Variants in MRO observed in about 807,000 individuals in gnomAD.
The protein encoded by MRO is maestro.
A neutral mutation model predicts 31.0 loss-of-function variants in MRO; 28 were observed. The ratio of observed to expected loss-of-function variants is 0.90; its 90% confidence interval spans 0.67 to 1.24. The LOEUF is 1.24. MRO is among the 50% of genes most tolerant of loss of function. The pLI is 0.00. For missense variants in MRO, 332 were observed against 289.2 expected (o/e 1.15, Z -1.07); for synonymous variants, 108 against 108.4 (o/e 1.00, Z 0.02).
At position 50,801,358 on chromosome 18, in the gene MRO, C is replaced by T. The variant is rs367571886; in HGVS notation, c.576G>A (p.Gln192=). Residue 192 remains glutamine, a synonymous_variant, in exon 6 of 8, where the codon CAG becomes CAA. Transcript: ENST00000398439. ...LLIHLQDRNP[Q]VAKACKTTFQ... Reference sequence around the variant, plus strand: ...AGAGTCAAGGTCTTACCTTGGCAACCTGGGGATTTCTGTCCTGTAAATGGA... The same window carrying T: ...AGAGTCAAGGTCTTACCTTGGCAACTTGGGGATTTCTGTCCTGTAAATGGA... The T allele has an allele frequency of 2.5e-5, 40 of 1,580,882 alleles. No homozygotes were observed. The East Asian group carries it at 7.9e-4, about 31-fold the overall frequency.
At chr18:50,804,886 A>T (rs1357933529) in intron 5 of MRO, among the ~76,000 whole-genome samples, 1 of 151,676 alleles carries the variant, frequency 6.6e-6, no homozygotes, top group Non-Finnish European at 1.5e-5. Context: ...CCACCTCCCA[A>T]GTTCAAGCGA....
Position 50,806,720 on chromosome 18 carries a change from T to C in MRO, c.230A>G (p.Tyr77Cys), listed in dbSNP as rs1444381176. ...MAMRNLGTMA[Y>C]EAPDKVRKYK... ...CTTCCCTACCTTGTCAGGGGCTTCA[T>C]AGGCCATGGTTCCCAAGTTTCTCAT... The change falls in exon 4 of 8, where the codon TAT becomes TGT. Residue 77 changes from tyrosine to cysteine, a missense_variant. Physicochemically the swap from Tyr to Cys is radical, Grantham distance 194. Transcript: ENST00000398439. The C allele has an allele frequency of 1.2e-6, 2 of 1,614,080 alleles. No homozygotes were observed. Among genetic ancestry groups the C allele is most frequent in the Admixed American group, 1.7e-5 (1 of 60,006 alleles).
At position 50,816,903 on chromosome 18, in the gene MRO, TC is replaced by T. The variant is rs111559614; in HGVS notation, c.-5+2677del. Among the ~76,000 whole-genome samples the T allele has an allele frequency of 4.6e-3, 705 of 152,282 alleles. 9 individuals carry two copies. The highest frequency in any genetic ancestry group is 0.016 in the African/African-American group (648 of 41,556). On this transcript the variant is annotated intron_variant, in intron 2 of 7. Transcript: ENST00000398439. ...GGCATAAGAAAATCATGCCTGAAGC[TC>T]CTTTCCATTGGTAAAGAAAACAAAC... is the stretch of plus-strand genomic sequence containing the variant.
intron 5 of MRO, among the ~76,000 whole-genome samples, chr18:50,802,898 T>TTGTG (rs147321917): frequency 5.2e-5 from 7 of 134,810 alleles, no homozygotes; most frequent in East Asian, 4.2e-4. Flanking sequence ...TAGTGAGTGT[T>TTGTG]TGTGTATGTG....
At chr18:50,805,656 G>A (rs1175699148) in intron 4 of MRO, among the ~76,000 whole-genome samples, 1 of 152,106 alleles carries the variant, frequency 6.6e-6, no homozygotes, top group Admixed American at 6.6e-5. Context: ...CTTTATAGTG[G>A]GGAGGAGACA....
At chr18:50,807,626 C>G (rs1445362155) in intron 3 of MRO, among the ~76,000 whole-genome samples, 1 of 152,226 alleles carries the variant, frequency 6.6e-6, no homozygotes, top group African/African-American at 2.4e-5. Flanking sequence ...TACACATCTA[C>G]AAACATTTCA....
At chr18:50,821,962 C>T (rs1292371458), upstream of MRO, among the ~76,000 whole-genome samples, 2 of 152,182 alleles carry the variant, frequency 1.3e-5, no homozygotes, top group East Asian at 1.9e-4. Context: ...TCAAAATCAA[C>T]GCATGATGCC....
At chr18:50,805,377 G>A (rs746927161) in intron 4 of MRO, 41 bp from the exon 5 acceptor site, 1 of 1,573,716 alleles carries the variant, frequency 6.4e-7, no homozygotes, top group Non-Finnish European at 8.7e-7. Flanking sequence ...CACAGGAACT[G>A]CTCCCCATAG....
intron 2 of MRO, among the ~76,000 whole-genome samples, chr18:50,813,352 A>T (rs749034331): frequency 1.3e-5 from 2 of 152,232 alleles, no homozygotes; most frequent in African/African-American, 2.4e-5. Flanking sequence ...TTCTCTTTCC[A>T]TCAGTTACCT....
chr18:50,822,381 C>A (rs1915333847), upstream of MRO, among the ~76,000 whole-genome samples: 1 of 105,744 alleles, frequency 9.5e-6, no homozygotes, highest in African/African-American at 3.2e-5. Context: ...CTCTGTCAGC[C>A]AGGCTGGAGT....
intron 7 of MRO, among the ~76,000 whole-genome samples, chr18:50,799,674 G>A (rs1913102380): frequency 6.6e-6 from 1 of 152,190 alleles, no homozygotes; most frequent in African/African-American, 2.4e-5. Context: ...ACTTTGGGAG[G>A]CTGAGGCAGG....
In MRO at chr18:50,801,330, T is replaced by C. The variant is rs760328928; in HGVS notation, c.585+19A>G. The C allele has an allele frequency of 6.5e-7, 1 of 1,543,236 alleles. No homozygotes were observed. The highest frequency in any genetic ancestry group is 8.8e-7 in the Non-Finnish European group (1 of 1,140,808). On this transcript the variant is annotated intron_variant, in intron 6 of 7. Coordinates refer to ENST00000398439, the MANE Select transcript of MRO (RefSeq NM_031939.6). ...AGCATGGAGATGTCACTCTGTTGGT[T>C]GCAGAGTCAAGGTCTTACCTTGGCA...
upstream of MRO, among the ~76,000 whole-genome samples, chr18:50,820,393 CCT>C (rs932915839): frequency 8.5e-5 from 13 of 152,150 alleles, no homozygotes; most frequent in South Asian, 1.0e-3. Flanking sequence ...AATTTAGGAG[CCT>C]CTCTCTCTCA....
chr18:50,815,564 T>C (rs146628826), intron 2 of MRO: 84 of 294,536 alleles, frequency 2.9e-4, no homozygotes, highest in African/African-American at 1.8e-3. Flanking sequence ...CATTGAAATT[T>C]TGGTGGTGGT....
Position 50,806,690 on chromosome 18 carries a change from C to A in MRO, c.246+14G>T, listed in dbSNP as rs201053380. 3,084 of 1,613,980 alleles carry A rather than the reference C, an allele frequency of 1.9e-3. 7 individuals carry two copies. Among genetic ancestry groups the A allele is most frequent in the Non-Finnish European group, 2.4e-3 (2,876 of 1,179,972 alleles). ...GGCTTGGGGAGCTGGCTGAGCCCCA[C>A]TCTCCTTCCCTACCTTGTCAGGGGC... On this transcript the variant is annotated intron_variant, in intron 4 of 7. Coordinates refer to ENST00000398439, the MANE Select transcript of MRO (RefSeq NM_031939.6).
In MRO at chr18:50,819,657, G is replaced by C; in HGVS notation, c.-81C>G. ...CTCGGGAGGGCTGCTTTCCCGGGTA[G>C]TAGCCAAATGTGATGACTCGGCTAA... On this transcript the variant is annotated 5_prime_UTR_variant, in exon 2 of 8. Coordinates refer to ENST00000398439, the MANE Select transcript of MRO (RefSeq NM_031939.6). 1 of 1,551,448 alleles carries C rather than the reference G, an allele frequency of 6.4e-7. No homozygotes were observed. Among genetic ancestry groups the C allele is most frequent in the Non-Finnish European group, 8.7e-7 (1 of 1,146,872 alleles).
At chr18:50,808,073 C>T (rs531184610) in intron 3 of MRO, among the ~76,000 whole-genome samples, 4 of 152,108 alleles carry the variant, frequency 2.6e-5, no homozygotes, top group South Asian at 4.1e-4. Context: ...GGCAACAGAG[C>T]GAGACTCTGT....
intron 3 of MRO, among the ~76,000 whole-genome samples, chr18:50,807,510 G>A (rs370078741): frequency 3.1e-5 from 2 of 65,564 alleles, no homozygotes; most frequent in African/African-American, 6.6e-5. Flanking sequence ...TTTCAGCACT[G>A]ATCTAGTACA....
chr18:50,823,557 G>C (rs1393434687), upstream of MRO: 1 of 152,156 alleles, frequency 6.6e-6, no homozygotes, highest in African/African-American at 2.4e-5. Flanking sequence ...TAGCCTCTTG[G>C]CCAGGGGTAA....
Sources: gnomAD v4.1 joint callset for allele counts (sites outside exome capture counted in the v4.1 genomes callset) on GRCh38, gnomAD v4.1.1 for gene constraint, MANE v1.5 for transcripts, NCBI Gene and HGNC (gene_info 2026-07-23, HGNC 2026-07-21) for gene names.